The following ATP11A variants were observed in gnomAD, a reference collection of about 807,000 sequenced individuals.
ATP11A encodes ATPase phospholipid transporting 11A, also known as phospholipid-transporting ATPase IH.
A neutral mutation model predicts 154.4 loss-of-function variants in ATP11A; 81 were observed. The observed-to-expected ratio is 0.52, with a 90% CI of 0.44 to 0.63. The LOEUF is 0.63. Among genes scored for constraint, ATP11A ranks in the 30% least tolerant of loss-of-function variants. The pLI is 0.00. For synonymous variants in ATP11A, 623 were observed against 585.9 expected (o/e 1.06, Z -0.91); for missense variants, 1,316 against 1,474.3 (o/e 0.89, Z 1.76).
intron 14 of ATP11A, 151 bp downstream of exon 14, chr13:112,833,174 AC>A: frequency 2.0e-6 from 2 of 981,002 alleles, no homozygotes; most frequent in Admixed American, 5.7e-5. Flanking sequence ...GCTTCTCTGG[AC>A]CCCCGTCCCT....
At position 112,864,034 on chromosome 13, in the gene ATP11A, T is replaced by C. The variant is rs367998709; in HGVS notation, c.2991+1459T>C. On this transcript the variant is annotated intron_variant, in intron 25 of 29. Coordinates refer to ENST00000375645, the MANE Select transcript of ATP11A (RefSeq NM_015205.3). ...AATTCAGTGCAGCACGTGCAGCTTC[T>C]CAGCAGGGTCCATCACCACCTGCAC... Among the ~76,000 whole-genome samples, 9 of 50,194 alleles carry C rather than the reference T, an allele frequency of 1.8e-4. 2 individuals are homozygous for C. In the East Asian group the frequency reaches 4.8e-3, roughly 27 times the overall value. The allele number at this position is 50,194 out of a possible 152,430, so 32.9% of individuals were successfully genotyped here. A position where few individuals can be genotyped will look rare whatever the true frequency, so the allele number is the denominator to read the frequency against.
chr13:112,835,348 C>T (rs113798329), intron 15 of ATP11A, among the ~76,000 whole-genome samples: 1 of 152,188 alleles, frequency 6.6e-6, no homozygotes, highest in Non-Finnish European at 1.5e-5. Context: ...CCTCAAAACA[C>T]GTGGATTTTA....
chr13:112,727,892 CAT>C (rs1289347276), intron 1 of ATP11A, among the ~76,000 whole-genome samples: 1 of 152,256 alleles, frequency 6.6e-6, no homozygotes, highest in Non-Finnish European at 1.5e-5. Context: ...CCATTTCTCA[CAT>C]GCGTTGCGGA....
At position 112,727,896 on chromosome 13, in the gene ATP11A, C is replaced by T. The variant is rs148515919; in HGVS notation, c.39+37441C>T. ...AAGGCTGAGCCCCATTTCTCACATGCGTTGCGGAATCGAATTCTCCGTGTA... is the reference window on the plus strand; with the variant it reads ...AAGGCTGAGCCCCATTTCTCACATGTGTTGCGGAATCGAATTCTCCGTGTA... On this transcript the variant is annotated intron_variant, in intron 1 of 29. Transcript: ENST00000375645. Among the ~76,000 whole-genome samples the T allele has an allele frequency of 6.5e-3, 992 of 152,344 alleles. 4 individuals carry two copies. Among genetic ancestry groups the T allele is most frequent in the Non-Finnish European group, 0.011 (726 of 68,048 alleles).
rs1273943571 is a variant in ATP11A at position 112,697,842 on chromosome 13, G to T, written c.39+7387G>T. On this transcript the variant is annotated intron_variant, in intron 1 of 29. Transcript: ENST00000375645. The surrounding 1 kb of genome is among the most constrained non-coding windows in gnomAD (Gnocchi z 4.0). ...GCCCACCTCTGCTTCCCAAAGTGCTGGGATTGCAGGTATGTGCCACCACGC... is the reference window on the plus strand; with the variant it reads ...GCCCACCTCTGCTTCCCAAAGTGCTTGGATTGCAGGTATGTGCCACCACGC... 6.6e-6 allele frequency among the ~76,000 whole-genome samples: 1 copy of T among 151,748 alleles called. No individual in the cohort carries two copies. Among genetic ancestry groups the T allele is most frequent in the African/African-American group, 2.4e-5 (1 of 41,244 alleles).
At chr13:112,755,426 C>T (rs1331879970) in intron 1 of ATP11A, among the ~76,000 whole-genome samples, 2 of 152,196 alleles carry the variant, frequency 1.3e-5, no homozygotes, top group African/African-American at 2.4e-5. Context: ...ACCCACAGGG[C>T]GCTTGCCAGA....
intron 2 of ATP11A, among the ~76,000 whole-genome samples, chr13:112,803,606 G>A (rs549546354): frequency 6.6e-6 from 1 of 152,230 alleles, no homozygotes; most frequent in Non-Finnish European, 1.5e-5. Context: ...TTTCAACACA[G>A]AAGTTGAATG....
chr13:112,730,662 A>G (rs1594454015), intron 1 of ATP11A, among the ~76,000 whole-genome samples: 1 of 152,146 alleles, frequency 6.6e-6, no homozygotes, highest in African/African-American at 2.4e-5. Context: ...TTCTGGACAC[A>G]CTGCTGGGTC....
intron 2 of ATP11A, among the ~76,000 whole-genome samples, chr13:112,803,802 C>T (rs1294741497): frequency 1.0e-5 from 1 of 97,716 alleles, no homozygotes; most frequent in East Asian, 2.9e-4. Flanking sequence ...CCTTACTTCC[C>T]CTCCCTCCCC....
rs762462159 is a variant in ATP11A at position 112,834,649 on chromosome 13, C to T, written c.1620C>T (p.Asn540=). The change falls in exon 15 of 30, where the codon AAC becomes AAT. Residue 540 remains asparagine (N), a synonymous_variant. Transcript: ENST00000375645. ...DNYMEILNRE[N]HIERFELLEI... is the part of the protein sequence containing the mutation. Reference sequence around the variant, plus strand: ...ACATGGAGATATTAAACAGGGAGAACCACATCGAAAGGTATGTGCAGACCT... The same window carrying T: ...ACATGGAGATATTAAACAGGGAGAATCACATCGAAAGGTATGTGCAGACCT... 1.9e-6 allele frequency: 3 copies of T among 1,613,352 alleles called. No homozygotes were observed. The highest frequency in any genetic ancestry group is 2.7e-5 in the African/African-American group (2 of 74,892).
At chr13:112,781,232 G>A (rs1157919975) in intron 1 of ATP11A, among the ~76,000 whole-genome samples, 1 of 151,804 alleles carries the variant, frequency 6.6e-6, no homozygotes, top group Non-Finnish European at 1.5e-5. Flanking sequence ...TAGAGATGGA[G>A]TTTCACCTTG....
At chr13:112,787,844 G>A (rs998423244) in intron 2 of ATP11A, among the ~76,000 whole-genome samples, 33 of 146,884 alleles carry the variant, frequency 2.2e-4, no homozygotes, top group African/African-American at 1.0e-4. Context: ...AATTCACACC[G>A]GTGTCCTGAT....
chr13:112,852,279 T>TTTAA (rs1229020316), intron 18 of ATP11A, among the ~76,000 whole-genome samples: 1 of 152,242 alleles, frequency 6.6e-6, no homozygotes, highest in African/African-American at 2.4e-5. Flanking sequence ...TTTGAAAGTC[T>TTTAA]TTAAGATCCA....
intron 2 of ATP11A, among the ~76,000 whole-genome samples, chr13:112,802,212 G>A (rs1410601513): frequency 2.0e-5 from 3 of 152,160 alleles, no homozygotes; most frequent in Non-Finnish European, 2.9e-5. Context: ...CGGGCGTGGT[G>A]GTGGGCGCCT....
chr13:112,771,736 C>G (rs1183812232), intron 1 of ATP11A, among the ~76,000 whole-genome samples: 6 of 152,228 alleles, frequency 3.9e-5, no homozygotes, highest in Non-Finnish European at 7.3e-5. Flanking sequence ...CAGCCGCGGG[C>G]ACACAGGCTC....
At chr13:112,871,652 G>A (rs2080524363) in intron 25 of ATP11A, 83 bp from the exon 26 acceptor site, 14 of 1,269,674 alleles carry the variant, frequency 1.1e-5, no homozygotes, top group Non-Finnish European at 1.5e-5. Flanking sequence ...GAAAAATGAG[G>A]TGTATTTTCT....
chr13:112,761,094 G>A (rs1457510311), intron 1 of ATP11A, among the ~76,000 whole-genome samples: 3 of 152,108 alleles, frequency 2.0e-5, no homozygotes, highest in East Asian at 1.9e-4. Flanking sequence ...TTCGTCCAGC[G>A]TCTCCAGGCT....
chr13:112,798,312 T>G (rs949542360), intron 2 of ATP11A, among the ~76,000 whole-genome samples: 2 of 152,232 alleles, frequency 1.3e-5, no homozygotes, highest in Admixed American at 6.5e-5. Context: ...TTTTTATTTC[T>G]TTTAGAGACG....
In ATP11A at chr13:112,884,531, G is replaced by A. The variant is rs897086044; in HGVS notation, c.*2665G>A. ...CACGAGATAAAAAAGAAAAGGATGA[G>A]AAGATCCTCAGTGAATGACGTTGCA... On this transcript the variant is annotated 3_prime_UTR_variant, in exon 30 of 30. Coordinates refer to ENST00000375645, the MANE Select transcript of ATP11A (RefSeq NM_015205.3). 6.6e-6 allele frequency: 1 copy of A among 152,218 alleles called. No individual in the cohort carries two copies. Among genetic ancestry groups the A allele is most frequent in the Non-Finnish European group, 1.5e-5 (1 of 68,052 alleles). 9.4% of individuals were successfully genotyped at this position (152,218 alleles called of 1,614,324 possible). A position where few individuals can be genotyped will look rare whatever the true frequency, so the allele number is the denominator to read the frequency against.
Sources: allele counts gnomAD v4.1 joint callset (sites outside exome capture counted in the v4.1 genomes callset), GRCh38; gene constraint gnomAD v4.1.1; non-coding constraint Gnocchi (gnomAD v3.1); transcripts MANE v1.5; gene names NCBI Gene and HGNC (gene_info 2026-07-23, HGNC 2026-07-21).